The following PCDHGA1 variants were observed in gnomAD, a reference collection of about 807,000 sequenced individuals.
The protein encoded by PCDHGA1 is protocadherin gamma subfamily A, 1.
A neutral mutation model predicts 58.0 loss-of-function variants in PCDHGA1; 32 were observed. The ratio of observed to expected loss-of-function variants is 0.55; its 90% CI spans 0.42 to 0.74. The LOEUF is 0.74. PCDHGA1 is among the 30% of genes least tolerant of loss of function. The probability of loss-of-function intolerance (pLI) is 0.00; values close to 1 mark genes in which losing one functional copy is unlikely to be tolerated. For synonymous variants in PCDHGA1, 498 were observed against 501.1 expected (o/e 0.99, Z 0.08); for missense variants, 1,205 against 1,182.3 (o/e 1.02, Z -0.28).
At chr5:141,344,585 C>A (rs1757440405) in intron 1 of PCDHGA1, 4 of 1,613,976 alleles carry the variant, frequency 2.5e-6, no homozygotes, top group Non-Finnish European at 2.5e-6. Context: ...CTGTGAATAG[C>A]GTCTCTGAGG....
At chr5:141,444,873 C>T (rs1298516499) in intron 1 of PCDHGA1, among the ~76,000 whole-genome samples, 1 of 152,080 alleles carries the variant, frequency 6.6e-6, no homozygotes, top group African/African-American at 2.4e-5. Flanking sequence ...CAGGACAAAG[C>T]TTGTAGGATT....
At chr5:141,352,398 G>A in intron 1 of PCDHGA1, 3 of 1,613,996 alleles carry the variant, frequency 1.9e-6, no homozygotes, top group Non-Finnish European at 2.5e-6. Context: ...CGCCTGCGAC[G>A]TTCCTCCAGC....
intron 1 of PCDHGA1, chr5:141,393,347 C>A: frequency 6.2e-7 from 1 of 1,613,980 alleles, no homozygotes; most frequent in Non-Finnish European, 8.5e-7. Context: ...ATCACCACTT[C>A]TCCCTGGACG....
At chr5:141,409,870 T>C in intron 1 of PCDHGA1, 1 of 1,612,788 alleles carries the variant, frequency 6.2e-7, no homozygotes, top group Non-Finnish European at 8.5e-7. Flanking sequence ...GAGACCGCAA[T>C]GACAACGCAC....
intron 1 of PCDHGA1, chr5:141,351,867 C>A: frequency 1.2e-6 from 2 of 1,613,254 alleles, no homozygotes; most frequent in Non-Finnish European, 1.7e-6. Context: ...CAGGGCTCCC[C>A]CGCGCTCAGC....
At chr5:141,506,930 T>C (rs2099857287) in intron 3 of PCDHGA1, among the ~76,000 whole-genome samples, 1 of 152,150 alleles carries the variant, frequency 6.6e-6, no homozygotes, top group African/African-American at 2.4e-5. Context: ...AAACAAACTT[T>C]AGGGGCCTCC....
At chr5:141,382,959 G>A (rs994078805) in intron 1 of PCDHGA1, 3 of 1,607,324 alleles carry the variant, frequency 1.9e-6, no homozygotes, top group African/African-American at 1.3e-5. Flanking sequence ...CCATCCTCCT[G>A]GGGACCCCCT....
intron 1 of PCDHGA1, chr5:141,355,579 A>C: frequency 6.2e-7 from 1 of 1,614,014 alleles, no homozygotes. Context: ...AATCGATGTT[A>C]ATGATAACCC....
At position 141,494,872 on chromosome 5, in the gene PCDHGA1, G is replaced by T. The variant is rs917132299; in HGVS notation, c.2480+7G>T. On this transcript the variant is annotated splice_region_variant and intron_variant, in intron 2 of 3. Transcript: ENST00000517417. The stretch of plus-strand genomic sequence containing the variant: ...AGAGACCCGGCACCAGCGGGTAGGT[G>T]ACTGATTCTCCAGCCCACCCTCTTC... 7 of 1,614,010 alleles carry T rather than the reference G, an allele frequency of 4.3e-6. No homozygotes were observed. The highest frequency in any genetic ancestry group is 1.3e-5 in the African/African-American group (1 of 74,910).
In PCDHGA1 at chr5:141,476,177, C is replaced by T. The variant is rs1221752964; in HGVS notation, c.2422-18630C>T. On this transcript the variant is annotated intron_variant, in intron 1 of 3. Transcript: ENST00000517417. The surrounding 1 kb of genome is among the most constrained non-coding windows in gnomAD (Gnocchi z 7.6). ...CACCGGGAGGGTAGTGGGAGTTTTG[C>T]TTCTGCTTGGTGCCTTGAACAAGGC... 6.2e-7 allele frequency: 1 copy of T among 1,613,436 alleles called. No individual in the cohort carries two copies. Among genetic ancestry groups the T allele is most frequent in the Non-Finnish European group, 8.5e-7 (1 of 1,179,944 alleles).
chr5:141,478,210 A>G, intron 1 of PCDHGA1: 1 of 1,614,064 alleles, frequency 6.2e-7, no homozygotes, highest in East Asian at 2.2e-5. Flanking sequence ...TTCTTTCTCT[A>G]ATCCTGGTTT....
At chr5:141,385,516 C>A in intron 1 of PCDHGA1, 1 of 1,367,218 alleles carries the variant, frequency 7.3e-7, no homozygotes, top group South Asian at 1.9e-5. Flanking sequence ...TAGTGAAAGC[C>A]TATGGACAAG....
At chr5:141,363,665 G>T (rs951901062) in intron 1 of PCDHGA1, among the ~76,000 whole-genome samples, 1 of 152,228 alleles carries the variant, frequency 6.6e-6, no homozygotes, top group African/African-American at 2.4e-5. Flanking sequence ...TATTTCTTCT[G>T]CATATGACAG....
At position 141,415,266 on chromosome 5, in the gene PCDHGA1, G is replaced by C. The variant is rs371754316; in HGVS notation, c.2422-79541G>C. 49 of 1,614,100 alleles carry C rather than the reference G, an allele frequency of 3.0e-5. No individual in the cohort carries two copies. The African/African-American group carries it at 6.4e-4, about 21-fold the overall frequency. On this transcript the variant is annotated intron_variant, in intron 1 of 3. Transcript: ENST00000517417. ...AAACCTCAGACCTCACTCTGTACCT[G>C]GTGGTAGCGGTGGCCGCGGTCTCCT...
At chr5:141,422,806 C>A in intron 1 of PCDHGA1, 1 of 1,614,208 alleles carries the variant, frequency 6.2e-7, no homozygotes, top group Non-Finnish European at 8.5e-7. Flanking sequence ...TGAGCAGTTT[C>A]GAGACTTAGA....
At chr5:141,413,592 A>G in intron 1 of PCDHGA1, 1 of 1,613,916 alleles carries the variant, frequency 6.2e-7, no homozygotes, top group Non-Finnish European at 8.5e-7. Context: ...AATTCCAAGC[A>G]GAAAATCTAG....
At chr5:141,359,409 ATG>A (rs1178126719) in intron 1 of PCDHGA1, among the ~76,000 whole-genome samples, 1 of 152,002 alleles carries the variant, frequency 6.6e-6, no homozygotes, top group Non-Finnish European at 1.5e-5. Flanking sequence ...TTTTTAAAAA[ATG>A]TGTTTTTGTT....
rs777670481 is a variant in PCDHGA1, at chr5:141,385,026, C to T, written c.2421+51921C>T. 2.5e-6 allele frequency: 4 copies of T among 1,614,190 alleles called. No homozygotes were observed. The East Asian group carries it at 6.7e-5, about 27-fold the overall frequency. On this transcript the variant is annotated intron_variant, in intron 1 of 3. Coordinates refer to ENST00000517417, the MANE Select transcript of PCDHGA1 (RefSeq NM_018912.3). Reference sequence around the variant, plus strand: ...CCTGCGTCTTCCTAGCCTTCGTCCTCGTACTGCTGGCGCTCAGGCTGCGGC... The same window carrying T: ...CCTGCGTCTTCCTAGCCTTCGTCCTTGTACTGCTGGCGCTCAGGCTGCGGC...
chr5:141,340,982 A>C lies in PCDHGA1; in HGVS notation c.2421+7877A>C, dbSNP rs147498000. Reference sequence around the variant, plus strand: ...GGCCGTGGCCGACAGGATCCCCGACATCCTGGCCGACCTGGGCAGCCTCGA... The same window carrying C: ...GGCCGTGGCCGACAGGATCCCCGACCTCCTGGCCGACCTGGGCAGCCTCGA... On this transcript the variant is annotated intron_variant, in intron 1 of 3. Transcript: ENST00000517417. The C allele has an allele frequency of 1.1e-5, 17 of 1,613,592 alleles. No homozygotes were observed. In the African/African-American group the frequency reaches 2.1e-4, roughly 20 times the overall value.
Sources: allele counts gnomAD v4.1 joint callset (sites outside exome capture counted in the v4.1 genomes callset), GRCh38; gene constraint gnomAD v4.1.1; non-coding constraint Gnocchi (gnomAD v3.1); transcripts MANE v1.5; gene names NCBI Gene and HGNC (gene_info 2026-07-23, HGNC 2026-07-21).